ESRRG: variants seen among roughly 807,000 people sequenced by gnomAD.
ESRRG encodes the protein estrogen-related receptor gamma.
A neutral mutation model predicts 44.0 loss-of-function variants in ESRRG; 13 were observed. The ratio of observed to expected loss-of-function variants is 0.30; its 90% CI spans 0.19 to 0.47. The LOEUF is 0.47. ESRRG is among the 20% of genes least tolerant of loss of function. ESRRG has a pLI of 1.00. For missense variants in ESRRG, 395 were observed against 580.6 expected (o/e 0.68, Z 3.29); for synonymous variants, 215 against 214.6 (o/e 1.00, Z -0.02).
intron 2 of ESRRG, among the ~76,000 whole-genome samples, chr1:216,854,771 T>G (rs996445781): frequency 1.3e-5 from 2 of 152,198 alleles, no homozygotes; most frequent in African/African-American, 4.8e-5. Flanking sequence ...TTTTGACAAT[T>G]TAACGTATCT....
chr1:217,085,480 C>CTTTTTTTTTTTT (rs2092021463), intron 1 of ESRRG, among the ~76,000 whole-genome samples: 1 of 66,346 alleles, frequency 1.5e-5, no homozygotes, highest in African/African-American at 6.0e-5. Context: ...CTTTTCTTTT[C>CTTTTTTTTTTTT]ATTTTTTTTT....
chr1:216,998,719 A>AG (rs1479972085), intron 1 of ESRRG, among the ~76,000 whole-genome samples: 7 of 152,260 alleles, frequency 4.6e-5, no homozygotes, highest in Non-Finnish European at 8.8e-5. Flanking sequence ...TCCTTCACAC[A>AG]GCGTGAAATA....
intron 2 of ESRRG, among the ~76,000 whole-genome samples, chr1:216,775,314 G>A (rs543927261): frequency 5.9e-5 from 9 of 151,818 alleles, no homozygotes; most frequent in Admixed American, 2.0e-4. Flanking sequence ...CACTCATTTC[G>A]TCACTTTAAT....
Position 216,797,016 on chromosome 1 carries a change from C to T in ESRRG, c.-13-119525G>A, listed in dbSNP as rs371157458. Among the ~76,000 whole-genome samples, 10 of 152,076 alleles carry T rather than the reference C, an allele frequency of 6.6e-5. No individual in the cohort carries two copies. The East Asian group carries it at 9.7e-4, about 15-fold the overall frequency. On this transcript the variant is annotated intron_variant, in intron 2 of 7. Coordinates refer to the ESRRG transcript ENST00000359162. Reference sequence around the variant, plus strand: ...AAGCGATTCTCCTCCCTCAGCCTCCCGAGTAGCTGGGATTACAGGCGTGTG... The same window carrying T: ...AAGCGATTCTCCTCCCTCAGCCTCCTGAGTAGCTGGGATTACAGGCGTGTG...
intron 1 of ESRRG, among the ~76,000 whole-genome samples, chr1:216,975,017 T>C (rs767535838): frequency 2.6e-5 from 4 of 152,224 alleles, no homozygotes; most frequent in Admixed American, 6.6e-5. Flanking sequence ...CTTAAACTGT[T>C]GACACTATCT....
At chr1:216,858,737 A>G (rs1182379353) in intron 2 of ESRRG, among the ~76,000 whole-genome samples, 1 of 152,194 alleles carries the variant, frequency 6.6e-6, no homozygotes, top group Non-Finnish European at 1.5e-5. Context: ...TAAGTGGCAG[A>G]GTTGAGATTT....
At chr1:216,794,518 A>T (rs1347434859) in intron 2 of ESRRG, among the ~76,000 whole-genome samples, 1 of 152,234 alleles carries the variant, frequency 6.6e-6, no homozygotes, top group Non-Finnish European at 1.5e-5. Context: ...GAGTAAAATA[A>T]TCCCATTACC....
At chr1:216,990,730 T>C (rs76269850) in intron 1 of ESRRG, among the ~76,000 whole-genome samples, 3,752 of 152,338 alleles carry the variant, frequency 0.025, 151 homozygotes, top group African/African-American at 0.084. Flanking sequence ...TCTTACTTTA[T>C]TGTAAGGATA....
intron 1 of ESRRG, among the ~76,000 whole-genome samples, chr1:216,991,940 A>T (rs1487374159): frequency 1.3e-5 from 2 of 152,200 alleles, no homozygotes; most frequent in East Asian, 3.9e-4. Context: ...GTTCCACTTC[A>T]TTCCATCTTG....
intron 1 of ESRRG, among the ~76,000 whole-genome samples, chr1:217,072,700 G>A (rs2090714849): frequency 7.4e-6 from 1 of 134,846 alleles, no homozygotes; most frequent in Non-Finnish European, 1.6e-5. Flanking sequence ...TCTAAACTGG[G>A]GGTGTGTGTG....
At chr1:217,135,621 G>A (rs1373650279) in intron 1 of ESRRG, among the ~76,000 whole-genome samples, 1 of 152,114 alleles carries the variant, frequency 6.6e-6, no homozygotes. Flanking sequence ...GCGGGGTCAG[G>A]CGCGGACCCA....
chr1:217,107,462 A>G (rs2092610776), intron 1 of ESRRG, among the ~76,000 whole-genome samples: 1 of 152,216 alleles, frequency 6.6e-6, no homozygotes, highest in South Asian at 2.1e-4. Context: ...TTTTACTTGG[A>G]AGCTAAAACT....
chr1:216,639,135 G>A (rs1409849508), intron 3 of ESRRG, among the ~76,000 whole-genome samples: 1 of 152,126 alleles, frequency 6.6e-6, no homozygotes, highest in East Asian at 1.9e-4. Context: ...TGAATTAATG[G>A]GAGGCAGGAG....
chr1:216,935,765 T>G (rs1185077743), intron 2 of ESRRG, among the ~76,000 whole-genome samples: 1 of 151,954 alleles, frequency 6.6e-6, no homozygotes, highest in South Asian at 2.1e-4. Context: ...TACAGGCACC[T>G]GCCACCATGC....
intron 2 of ESRRG, among the ~76,000 whole-genome samples, chr1:216,874,996 A>G (rs11572547): frequency 0.18 from 28,142 of 152,130 alleles, 2,957 homozygotes; most frequent in African/African-American, 0.25. Context: ...AGGCTGCACT[A>G]TCGGTTTCCT....
intron 1 of ESRRG, among the ~76,000 whole-genome samples, chr1:217,057,121 T>G (rs890434501): frequency 3.3e-5 from 5 of 152,000 alleles, no homozygotes; most frequent in African/African-American, 1.2e-4. Context: ...CTACTGAGAG[T>G]GGCTTCACAT....
At chr1:216,623,899 T>C (rs2062722790) in intron 3 of ESRRG, among the ~76,000 whole-genome samples, 1 of 151,626 alleles carries the variant, frequency 6.6e-6, no homozygotes, top group African/African-American at 2.4e-5. Context: ...GAGCAGATAT[T>C]GATTGCACTC....
At chr1:216,522,255 CTTTTTTTTTTTTTTTTTT>C (rs71161437) in intron 5 of ESRRG, among the ~76,000 whole-genome samples, 2 of 29,262 alleles carry the variant, frequency 6.8e-5, no homozygotes, top group African/African-American at 3.0e-4. Context: ...AACAGCTCTC[CTTTTTTTTTTTTTTTTTT>C]TTTTTTTTTT....
At chr1:216,937,035 G>T (rs558017299) in intron 2 of ESRRG, among the ~76,000 whole-genome samples, 1 of 151,878 alleles carries the variant, frequency 6.6e-6, no homozygotes, top group African/African-American at 2.4e-5. Context: ...TGTAGGAGTG[G>T]GTTTTTCCCT....
Sources: allele counts gnomAD v4.1 joint callset (sites outside exome capture counted in the v4.1 genomes callset), GRCh38; gene constraint gnomAD v4.1.1; transcripts MANE v1.5; gene names NCBI Gene and HGNC (gene_info 2026-07-23, HGNC 2026-07-21).